GRM8: variants seen among roughly 807,000 people sequenced by gnomAD.
GRM8 encodes the protein glutamate metabotropic receptor 8.
Under a neutral mutation model 87.2 loss-of-function variants are expected in GRM8, and 47 were observed. The observed-to-expected ratio is 0.54, with a 90% confidence interval of 0.43 to 0.69. The LOEUF is 0.69. Among genes scored for constraint, GRM8 ranks in the 30% least tolerant of loss-of-function variants. GRM8 has a pLI of 0.00. For missense variants in GRM8, 1,019 were observed against 1,139.2 expected, an observed-to-expected ratio of 0.89 and a Z score of 1.52; for synonymous variants, 396 against 404.5, an observed-to-expected ratio of 0.98 and a Z score of 0.25.
At chr7:127,049,534 A>G (rs1417126274) in intron 3 of GRM8, among the ~76,000 whole-genome samples, 2 of 152,230 alleles carry the variant, frequency 1.3e-5, no homozygotes, top group Non-Finnish European at 2.9e-5. Context: ...ATTTATTGCA[A>G]TTATTAAATG....
chr7:127,074,540 C>T (rs1429086548), intron 3 of GRM8, among the ~76,000 whole-genome samples: 1 of 152,156 alleles, frequency 6.6e-6, no homozygotes, highest in Non-Finnish European at 1.5e-5. Context: ...ATTTTGCTAG[C>T]CACCTTGGAA....
intron 2 of GRM8, among the ~76,000 whole-genome samples, chr7:127,185,629 A>T (rs1794693317): frequency 6.6e-6 from 1 of 152,164 alleles, no homozygotes; most frequent in South Asian, 2.1e-4. Context: ...TTTTATGAAA[A>T]AGTTCATTCC....
At chr7:126,635,201 T>G (rs1026989074) in intron 7 of GRM8, among the ~76,000 whole-genome samples, 1 of 151,666 alleles carries the variant, frequency 6.6e-6, no homozygotes, top group Non-Finnish European at 1.5e-5. Context: ...TTCAAAAAGC[T>G]AATTTTATCT....
chr7:126,887,837 C>T (rs1221103998), intron 6 of GRM8, among the ~76,000 whole-genome samples: 3 of 152,042 alleles, frequency 2.0e-5, no homozygotes, highest in Admixed American at 1.3e-4. Context: ...ACTGGTCCCA[C>T]AAAGAAATCA....
At position 127,076,898 on chromosome 7, in the gene GRM8, G is replaced by C. The variant is rs540846299; in HGVS notation, c.727+29598C>G. On this transcript the variant is annotated intron_variant, in intron 3 of 10. Coordinates refer to ENST00000339582, the MANE Select transcript of GRM8 (RefSeq NM_000845.3). ...TTAGAGCTGTCTGTGGTTAAACAGT[G>C]GACAATTTAGGCCAATCAAAGCCAT... Among the ~76,000 whole-genome samples the C allele has an allele frequency of 2.6e-5, 4 of 152,246 alleles. No individual in the cohort carries two copies. In the South Asian group the frequency reaches 8.3e-4, roughly 32 times the overall value.
intron 3 of GRM8, among the ~76,000 whole-genome samples, chr7:126,944,720 A>G (rs1807345835): frequency 6.6e-6 from 1 of 152,218 alleles, no homozygotes. Flanking sequence ...GAATAAGTGA[A>G]TGTAGGTAAG....
intron 7 of GRM8, among the ~76,000 whole-genome samples, chr7:126,761,424 T>C (rs140725286): frequency 6.6e-6 from 1 of 152,130 alleles, no homozygotes; most frequent in Non-Finnish European, 1.5e-5. Flanking sequence ...CCTTCCTCTA[T>C]CTTTGACTTC....
chr7:126,760,882 T>C (rs979218327), intron 7 of GRM8, among the ~76,000 whole-genome samples: 1 of 152,156 alleles, frequency 6.6e-6, no homozygotes, highest in African/African-American at 2.4e-5. Flanking sequence ...ATAATGAATT[T>C]CTGTCTCATT....
At chr7:126,479,914 G>A (rs529496308) in intron 9 of GRM8, among the ~76,000 whole-genome samples, 1 of 152,002 alleles carries the variant, frequency 6.6e-6, no homozygotes, top group Admixed American at 6.6e-5. Flanking sequence ...TTAAACACTT[G>A]TTGTCTATCT....
At chr7:127,224,546 C>T (rs976373106) in intron 2 of GRM8, among the ~76,000 whole-genome samples, 3 of 151,992 alleles carry the variant, frequency 2.0e-5, no homozygotes, top group African/African-American at 7.3e-5. Context: ...AAAGGAAGTT[C>T]TCTAAACAAA....
At chr7:126,539,519 C>G (rs183027150) in intron 8 of GRM8, among the ~76,000 whole-genome samples, 1 of 152,022 alleles carries the variant, frequency 6.6e-6, no homozygotes, top group African/African-American at 2.4e-5. Flanking sequence ...ATGGAGTATT[C>G]ACATTTCCTC....
intron 2 of GRM8, among the ~76,000 whole-genome samples, chr7:127,164,712 C>T (rs1207403870): frequency 6.6e-6 from 1 of 151,964 alleles, no homozygotes; most frequent in Non-Finnish European, 1.5e-5. Context: ...CATAGAGTAC[C>T]TGGCCCTCTC....
At chr7:127,151,754 G>T (rs1402345470) in intron 2 of GRM8, among the ~76,000 whole-genome samples, 3 of 152,026 alleles carry the variant, frequency 2.0e-5, no homozygotes, top group African/African-American at 7.2e-5. Flanking sequence ...AAGGCCTAGG[G>T]ACTTGTACTT....
At chr7:126,883,781 A>T (rs913554607) in intron 6 of GRM8, among the ~76,000 whole-genome samples, 1 of 152,138 alleles carries the variant, frequency 6.6e-6, no homozygotes, top group African/African-American at 2.4e-5. Flanking sequence ...TCATGCAATT[A>T]TATTGTTGGT....
intron 3 of GRM8, among the ~76,000 whole-genome samples, chr7:127,105,124 A>C (rs570656234): frequency 6.6e-5 from 10 of 152,260 alleles, no homozygotes; most frequent in African/African-American, 2.4e-4. Context: ...TCCAGAAGCT[A>C]TTGTTTTCAT....
chr7:126,982,530 C>T (rs1322886395), intron 3 of GRM8, among the ~76,000 whole-genome samples: 2 of 152,166 alleles, frequency 1.3e-5, no homozygotes, highest in African/African-American at 4.8e-5. Context: ...ACTAGAAACG[C>T]ACCAATCCCC....
chr7:127,144,356 GC>G (rs1236601961), intron 2 of GRM8, among the ~76,000 whole-genome samples: 1 of 152,052 alleles, frequency 6.6e-6, no homozygotes, highest in African/African-American at 2.4e-5. Flanking sequence ...GACTTGTGTT[GC>G]TGGTAGGGCA....
Position 127,228,205 on chromosome 7 carries a change from T to C in GRM8, c.510+14490A>G, listed in dbSNP as rs17865145. 7.9e-3 allele frequency among the ~76,000 whole-genome samples: 1,204 copies of C among 152,332 alleles called. 11 individuals are homozygous for C. Among genetic ancestry groups the C allele is most frequent in the African/African-American group, 0.027 (1,129 of 41,578 alleles). On this transcript the variant is annotated intron_variant, in intron 2 of 10. Coordinates refer to ENST00000339582, the MANE Select transcript of GRM8 (RefSeq NM_000845.3). ...GTTTGAATATCACATGCCCACTTAC[T>C]TTCCATGTAACCTTAGATAAGCCTC...
intron 7 of GRM8, among the ~76,000 whole-genome samples, chr7:126,718,403 T>C (rs1301752950): frequency 6.6e-6 from 1 of 152,138 alleles, no homozygotes; most frequent in Non-Finnish European, 1.5e-5. Context: ...GGGGGTATAG[T>C]TGATTCACAG....
Sources: allele counts gnomAD v4.1 joint callset (sites outside exome capture counted in the v4.1 genomes callset), GRCh38; gene constraint gnomAD v4.1.1; transcripts MANE v1.5; gene names NCBI Gene and HGNC (gene_info 2026-07-23, HGNC 2026-07-21).